BBX: variants seen among roughly 807,000 people sequenced by gnomAD.
BBX encodes HMG box transcription factor BBX.
In BBX, 30 loss-of-function variants were observed where a neutral mutation model predicts 100.2. The observed-to-expected ratio is 0.30, with a 90% CI of 0.22 to 0.41. The LOEUF (loss-of-function observed/expected upper bound fraction) is 0.41. Among genes scored for constraint, BBX ranks in the 10% least tolerant of loss-of-function variants. BBX has a pLI of 1.00. For missense variants in BBX, 1,023 were observed against 1,129.8 expected (o/e 0.91, Z 1.35); for synonymous variants, 376 against 388.1 (o/e 0.97, Z 0.37).
At chr3:107,530,384 C>CCAAAACAAAACAAAA (rs56337631) in intron 2 of BBX, among the ~76,000 whole-genome samples, 2 of 149,804 alleles carry the variant, frequency 1.3e-5, no homozygotes, top group African/African-American at 4.9e-5. Flanking sequence ...GACTCTGTCT[C>CCAAAACAAAACAAAA]CAAAACAAAA....
At chr3:107,778,307 TC>T (rs1171417885) in intron 12 of BBX, 63 bp from the exon 13 acceptor site, 7 of 1,560,862 alleles carry the variant, frequency 4.5e-6, no homozygotes, top group African/African-American at 1.4e-5. Flanking sequence ...AAAATATATT[TC>T]ATGTCACTTT....
At chr3:107,636,060 C>T (rs2056835049) in intron 2 of BBX, among the ~76,000 whole-genome samples, 1 of 152,100 alleles carries the variant, frequency 6.6e-6, no homozygotes, top group South Asian at 2.1e-4. Context: ...GTCTCCTCTC[C>T]CTTTGGGCAC....
chr3:107,529,033 G>T (rs1202866808), intron 2 of BBX, among the ~76,000 whole-genome samples: 1 of 152,100 alleles, frequency 6.6e-6, no homozygotes, highest in East Asian at 1.9e-4. Flanking sequence ...ACTAAAAAAA[G>T]AACTTTTTGA....
intron 2 of BBX, among the ~76,000 whole-genome samples, chr3:107,562,210 A>G (rs678635): frequency 0.097 from 14,703 of 152,262 alleles, 835 homozygotes; most frequent in Non-Finnish European, 0.12. Context: ...AAATAAACAC[A>G]CATGGGATCC....
chr3:107,585,215 G>A (rs1232570270), intron 2 of BBX, among the ~76,000 whole-genome samples: 4 of 152,126 alleles, frequency 2.6e-5, no homozygotes, highest in African/African-American at 4.8e-5. Context: ...GCGATGATGT[G>A]GAGAGGTGTT....
intron 2 of BBX, among the ~76,000 whole-genome samples, chr3:107,571,385 G>T (rs1039864358): frequency 6.6e-6 from 1 of 152,178 alleles, no homozygotes; most frequent in Admixed American, 6.5e-5. Context: ...ACCAAGGGAA[G>T]ACTGTCTTCC....
At position 107,805,639 on chromosome 3, in the gene BBX, C is replaced by T. The variant is rs2071013244; in HGVS notation, c.*182C>T. 1.7e-6 allele frequency: 2 copies of T among 1,179,202 alleles called. No homozygotes were observed. The highest frequency in any genetic ancestry group is 1.6e-5 in the South Asian group (1 of 63,532). 73.0% of individuals were successfully genotyped at this position (1,179,202 alleles called of 1,614,324 possible). On this transcript the variant is annotated 3_prime_UTR_variant, in exon 18 of 18. Transcript: ENST00000325805. Reference sequence around the variant, plus strand: ...CCTGGGCCAGTTTGTTCTCTCAGAACCCAGAATCTTTGAGGGTAAGGTTAT... The same window carrying T: ...CCTGGGCCAGTTTGTTCTCTCAGAATCCAGAATCTTTGAGGGTAAGGTTAT...
At chr3:107,635,013 G>T (rs1482668092) in intron 2 of BBX, among the ~76,000 whole-genome samples, 1 of 152,168 alleles carries the variant, frequency 6.6e-6, no homozygotes, top group Non-Finnish European at 1.5e-5. Flanking sequence ...TTATGAAAGA[G>T]ACCTGGGTCA....
At chr3:107,697,124 T>C (rs1386914742) in intron 3 of BBX, among the ~76,000 whole-genome samples, 6 of 151,820 alleles carry the variant, frequency 4.0e-5, no homozygotes, top group Non-Finnish European at 8.8e-5. Context: ...AGTTTTCAAC[T>C]TCTTTGCCTT....
intron 2 of BBX, among the ~76,000 whole-genome samples, chr3:107,585,524 A>G (rs898835541): frequency 3.3e-5 from 5 of 152,192 alleles, no homozygotes; most frequent in South Asian, 2.1e-4. Flanking sequence ...TAAATTGTTC[A>G]ATTTTCTATA....
At chr3:107,765,361 A>T (rs1051101420) in intron 10 of BBX, among the ~76,000 whole-genome samples, 1 of 152,282 alleles carries the variant, frequency 6.6e-6, no homozygotes, top group East Asian at 1.9e-4. Context: ...GAAAATAGCT[A>T]ATCAGTAGCA....
In BBX at chr3:107,807,109, T is replaced by C. The variant is rs1255938148; in HGVS notation, c.*1652T>C. On this transcript the variant is annotated 3_prime_UTR_variant, in exon 18 of 18. Coordinates refer to ENST00000325805, the MANE Select transcript of BBX (RefSeq NM_001142568.3). ...TATTCATACTAGGTTTAGCTTCTCA[T>C]GGTTGTAGATATTACTTCAGTTCCG... 6.6e-6 allele frequency: 1 copy of C among 152,178 alleles called. No homozygotes were observed. The highest frequency in any genetic ancestry group is 1.5e-5 in the Non-Finnish European group (1 of 68,020). 9.4% of individuals were successfully genotyped at this position (152,178 alleles called of 1,614,324 possible). A position where few individuals can be genotyped will look rare whatever the true frequency, so the allele number is the denominator to read the frequency against.
intron 2 of BBX, among the ~76,000 whole-genome samples, chr3:107,557,470 A>G (rs774525348): frequency 7.9e-5 from 12 of 152,210 alleles, no homozygotes; most frequent in Non-Finnish European, 1.8e-4. Context: ...TTATCAAATC[A>G]AACCCTAGAT....
intron 7 of BBX, 64 bp from the exon 8 acceptor site, chr3:107,744,566 A>ATTATAAT: frequency 8.1e-7 from 1 of 1,241,686 alleles, no homozygotes; most frequent in Non-Finnish European, 1.2e-6. Context: ...AAGATAGAGC[A>ATTATAAT]TTAAATGTTT....
intron 2 of BBX, among the ~76,000 whole-genome samples, chr3:107,592,883 G>A (rs545776099): frequency 1.2e-4 from 18 of 152,188 alleles, no homozygotes; most frequent in African/African-American, 4.3e-4. Context: ...TAAGATCAAG[G>A]TCAAATGCTC....
intron 3 of BBX, among the ~76,000 whole-genome samples, chr3:107,701,050 C>G (rs1169427407): frequency 6.6e-6 from 1 of 151,934 alleles, no homozygotes; most frequent in Non-Finnish European, 1.5e-5. Context: ...AGTTTACAGT[C>G]CCACCAACAG....
At chr3:107,617,703 A>G (rs2055400462) in intron 2 of BBX, among the ~76,000 whole-genome samples, 1 of 152,010 alleles carries the variant, frequency 6.6e-6, no homozygotes. Flanking sequence ...TTCATTGCTC[A>G]TATGTTAAAG....
At position 107,772,838 on chromosome 3, in the gene BBX, T is replaced by A; in HGVS notation, c.1117T>A (p.Phe373Ile). The A allele has an allele frequency of 6.2e-7, 1 of 1,613,556 alleles. No homozygotes were observed. The highest frequency in any genetic ancestry group is 8.5e-7 in the Non-Finnish European group (1 of 1,179,872). Residue 373 changes from phenylalanine (F) to isoleucine (I), a missense_variant, in exon 11 of 18, where the codon TTT becomes ATT. Coordinates refer to ENST00000325805, the MANE Select transcript of BBX (RefSeq NM_001142568.3). ...NLRDSKELRNFEALQIDDIMA... is the reference protein window; with the variant it reads ...NLRDSKELRNIEALQIDDIMA... ...AAGAGATTCTAAGGAATTGAGAAAT[T>A]TTGAGGCATTGCAAATAGATGACAT... is the stretch of plus-strand genomic sequence containing the variant.
At chr3:107,701,567 C>G (rs1294317261) in intron 3 of BBX, among the ~76,000 whole-genome samples, 3 of 152,150 alleles carry the variant, frequency 2.0e-5, no homozygotes, top group Admixed American at 6.5e-5. Context: ...ATTAGCTTCA[C>G]CAATTTCATG....
Sources: gnomAD v4.1 joint callset for allele counts (sites outside exome capture counted in the v4.1 genomes callset) on GRCh38, gnomAD v4.1.1 for gene constraint, MANE v1.5 for transcripts, NCBI Gene and HGNC (gene_info 2026-07-23, HGNC 2026-07-21) for gene names.